SEC31A: variants seen among roughly 807,000 people sequenced by gnomAD.
SEC31A encodes the protein SEC31 homolog A, COPII component, also known as protein transport protein Sec31A.
In SEC31A, 70 loss-of-function variants were observed where a neutral mutation model predicts 151.0. The ratio of observed to expected loss-of-function variants is 0.46; its 90% CI spans 0.38 to 0.57. SEC31A has a LOEUF of 0.57. SEC31A is among the 20% of genes least tolerant of loss of function. The pLI is 0.00. For synonymous variants in SEC31A, 475 were observed against 505.9 expected (o/e 0.94, Z 0.82); for missense variants, 1,330 against 1,471.2 (o/e 0.90, Z 1.57).
chr4:82,881,521 C>T (rs1407697174), intron 2 of SEC31A, among the ~76,000 whole-genome samples: 1 of 151,700 alleles, frequency 6.6e-6, no homozygotes, highest in East Asian at 1.9e-4. Flanking sequence ...TATGATATAA[C>T]TATTTCTTTT....
chr4:82,829,004 T>C lies in SEC31A; in HGVS notation c.3023A>G (p.Lys1008Arg). ...PPALNRVPKK[K>R]KMPENFMPPV... ...ATGGACATCTTTTTCTAGTACCTTC[T>C]TCTTTTTGGGTACTCTGTTCAAAGC... The change falls in exon 23 of 27, where the codon AAG (lysine) becomes AGG (arginine). Residue 1008 changes from lysine (K) to arginine (R), a missense_variant. Lys to Arg is a conservative substitution (Grantham distance 26, BLOSUM62 2). Transcript: ENST00000395310. 1 of 1,613,440 alleles carries C rather than the reference T, an allele frequency of 6.2e-7. No homozygotes were observed. The highest frequency in any genetic ancestry group is 8.5e-7 in the Non-Finnish European group (1 of 1,179,348).
upstream of SEC31A, chr4:82,895,722 A>C (rs1720033607): frequency 6.6e-6 from 1 of 152,212 alleles, no homozygotes; most frequent in Non-Finnish European, 1.5e-5. Flanking sequence ...CTTCTTGATC[A>C]AATAAATATG....
intron 8 of SEC31A, among the ~76,000 whole-genome samples, chr4:82,867,613 C>A (rs1300727239): frequency 2.6e-5 from 4 of 152,100 alleles, no homozygotes; most frequent in African/African-American, 7.2e-5. Context: ...GAAAGACCAG[C>A]ACACTCTATT....
At chr4:82,890,766 G>C (rs1000208811) in intron 1 of SEC31A, 218 of 1,225,848 alleles carry the variant, frequency 1.8e-4, no homozygotes, top group Non-Finnish European at 2.0e-4. Context: ...TGTGCACAAG[G>C]GTCTGAAAGT....
intron 25 of SEC31A, among the ~76,000 whole-genome samples, chr4:82,823,644 T>C (rs1387030900): frequency 6.6e-6 from 1 of 152,236 alleles, no homozygotes; most frequent in East Asian, 1.9e-4. Context: ...TGTGGAATGT[T>C]TGTTGTTGCA....
upstream of SEC31A, chr4:82,894,950 T>C (rs1287086311): frequency 6.6e-6 from 1 of 152,226 alleles, no homozygotes; most frequent in Non-Finnish European, 1.5e-5. Flanking sequence ...CATGCACTTT[T>C]TCAAGACCCC....
At chr4:82,844,557 A>G (rs769114385) in intron 20 of SEC31A, 48 bp from the exon 21 acceptor site, 79 of 1,572,744 alleles carry the variant, frequency 5.0e-5, no homozygotes, top group Non-Finnish European at 6.9e-5. Context: ...TAGAACCAGG[A>G]ACTTCACCAG....
intron 24 of SEC31A, among the ~76,000 whole-genome samples, chr4:82,825,217 T>C (rs1724270509): frequency 6.6e-6 from 1 of 152,222 alleles, no homozygotes; most frequent in African/African-American, 2.4e-5. Flanking sequence ...AATGTTTAAG[T>C]TAAGTTTTAT....
At chr4:82,840,120 C>T (rs1458506603) in intron 22 of SEC31A, among the ~76,000 whole-genome samples, 1 of 152,090 alleles carries the variant, frequency 6.6e-6, no homozygotes, top group African/African-American at 2.4e-5. Flanking sequence ...TGAAACATAA[C>T]TCCTAAGAAA....
rs766342160 is a variant in SEC31A, at chr4:82,857,045, G to T, written c.1788C>A (p.Ala596=). The change falls in exon 16 of 27, where the codon GCC becomes GCA. Residue 596 remains alanine (A), a synonymous_variant. Coordinates refer to ENST00000395310, the MANE Select transcript of SEC31A (RefSeq NM_001077207.4). ...CTGCTATGGCCAATATAATGGCATC[G>T]GCCATGCGGTTATCATGTAAACAAA... ...VDLCLHDNRM[A]DAIILAIAGG... 1.2e-6 allele frequency: 2 copies of T among 1,613,792 alleles called. No homozygotes were observed. Among genetic ancestry groups the T allele is most frequent in the African/African-American group, 2.7e-5 (2 of 74,874 alleles).
intron 6 of SEC31A, among the ~76,000 whole-genome samples, chr4:82,873,411 C>A (rs1223308654): frequency 6.6e-6 from 1 of 150,618 alleles, no homozygotes; most frequent in Non-Finnish European, 1.5e-5. Flanking sequence ...AAAAAAACCC[C>A]ATACTTTTCC....
upstream of SEC31A, chr4:82,895,863 C>A (rs1279231949): frequency 2.0e-5 from 3 of 152,184 alleles, no homozygotes; most frequent in Non-Finnish European, 4.4e-5. Context: ...ATGTCCTCAT[C>A]CACATACATT....
intron 17 of SEC31A, among the ~76,000 whole-genome samples, chr4:82,854,200 C>T (rs1403406613): frequency 3.3e-5 from 5 of 151,958 alleles, no homozygotes; most frequent in African/African-American, 7.3e-5. Context: ...CCTGTCTCTA[C>T]GAAAAATGCA....
chr4:82,819,138 T>G lies in SEC31A; in HGVS notation c.3599A>C (p.Glu1200Ala). ...GAGAACTGGCATGAAAGCAGAGGTC[T>G]CACTGAAGTTGCTGGTGCTAACTAT... is the stretch of plus-strand genomic sequence containing the variant. ...THIVSTSNFS[E>A]TSAFMPVLKV... Residue 1200 changes from glutamate (E) to alanine (A), a missense_variant, in exon 27 of 27, where the codon GAG (glutamate) becomes GCG (alanine). Transcript: ENST00000395310. The G allele has an allele frequency of 6.2e-7, 1 of 1,612,226 alleles. No individual in the cohort carries two copies. Among genetic ancestry groups the G allele is most frequent in the Non-Finnish European group, 8.5e-7 (1 of 1,179,086 alleles).
chr4:82,828,673 C>CAAAAAAAAAAAAAAA (rs397994259), intron 23 of SEC31A, among the ~76,000 whole-genome samples: 203 of 43,980 alleles, frequency 4.6e-3, no homozygotes, highest in Middle Eastern at 0.028. Context: ...CAAAGTAACT[C>CAAAAAAAAAAAAAAA]AAAAAAAAAA....
intron 19 of SEC31A, among the ~76,000 whole-genome samples, chr4:82,849,478 G>A (rs975234447): frequency 1.7e-4 from 26 of 152,012 alleles, no homozygotes; most frequent in African/African-American, 5.8e-4. Context: ...GCTGGGTGTG[G>A]TGGCGGGCAC....
intron 20 of SEC31A, 68 bp from the exon 21 acceptor site, chr4:82,844,577 C>A: frequency 1.4e-6 from 2 of 1,461,358 alleles, no homozygotes; most frequent in Non-Finnish European, 1.9e-6. Flanking sequence ...GATGGAATTA[C>A]AATCTCTGAA....
At position 82,866,874 on chromosome 4, in the gene SEC31A, A is replaced by T; in HGVS notation, c.1131T>A (p.His377Gln). The T allele has an allele frequency of 6.2e-7, 1 of 1,614,044 alleles. No homozygotes were observed. Among genetic ancestry groups the T allele is most frequent in the Non-Finnish European group, 8.5e-7 (1 of 1,179,912 alleles). ...GCTTCTTCAGAGGCAGCACTATACT[A>T]TGCTGAGCAGTCTGCTGTGGAATTT... The part of the protein sequence containing the change: ...PLQIPQQTAQ[H>Q]SIVLPLKKPP... The change falls in exon 10 of 27, where the codon CAT (histidine) becomes CAA (glutamine). Residue 377 changes from histidine (H) to glutamine (Q), a missense_variant. His to Gln is a conservative substitution (Grantham distance 24). Coordinates refer to ENST00000395310, the MANE Select transcript of SEC31A (RefSeq NM_001077207.4).
rs1447616356 is a variant in SEC31A at position 82,842,243 on chromosome 4, A to G, written c.2865T>C (p.His955=). The change falls in exon 22 of 27, where the codon CAT becomes CAC. Residue 955 remains histidine, a synonymous_variant. Transcript: ENST00000395310. ...PPPSSGASFQ[H]GGPGAPPSSS... Reference sequence around the variant, plus strand: ...ATGATGGTGGAGCTCCTGGTCCGCCATGCTGGAAGGATGCTCCAGAGGAAG... The same window carrying G: ...ATGATGGTGGAGCTCCTGGTCCGCCGTGCTGGAAGGATGCTCCAGAGGAAG... The G allele has an allele frequency of 1.2e-5, 20 of 1,613,976 alleles. No individual in the cohort carries two copies. The highest frequency in any genetic ancestry group is 1.7e-5 in the Non-Finnish European group (20 of 1,179,880).
Sources: gnomAD v4.1 joint callset for allele counts (sites outside exome capture counted in the v4.1 genomes callset) on GRCh38, gnomAD v4.1.1 for gene constraint, MANE v1.5 for transcripts, NCBI Gene and HGNC (gene_info 2026-07-23, HGNC 2026-07-21) for gene names.